The following FBXL13 variants were observed in gnomAD, a reference collection of about 807,000 sequenced individuals.
The protein encoded by FBXL13 is F-box and leucine-rich repeat protein 13.
FBXL13 carries 67 observed loss-of-function variants against 83.6 expected under a neutral mutation model. The ratio of observed to expected loss-of-function variants is 0.80; its 90% CI spans 0.66 to 0.98. The LOEUF (loss-of-function observed/expected upper bound fraction) is 0.98, where lower values mean the gene tolerates loss of function less well. Ranked by LOEUF, FBXL13 falls within the 50% of genes least tolerant of loss-of-function variation. The probability of loss-of-function intolerance (pLI) is 0.00; values close to 1 mark genes in which losing one functional copy is unlikely to be tolerated. For synonymous variants in FBXL13, 272 were observed against 299.5 expected (o/e 0.91, Z 0.95); for missense variants, 822 against 866.5 (o/e 0.95, Z 0.64).
At chr7:102,949,425 A>AC (rs1461645424) in intron 8 of FBXL13, among the ~76,000 whole-genome samples, 1 of 151,904 alleles carries the variant, frequency 6.6e-6, no homozygotes, top group Non-Finnish European at 1.5e-5. Context: ...CCATCCTCCC[A>AC]CCCTCCACCC....
chr7:102,991,132 A>G (rs1829515565), intron 6 of FBXL13, among the ~76,000 whole-genome samples: 1 of 152,186 alleles, frequency 6.6e-6, no homozygotes, highest in African/African-American at 2.4e-5. Flanking sequence ...GCCAGAGAGA[A>G]TGGAGAGAAG....
intron 16 of FBXL13, 80 bp downstream of exon 17, chr7:102,877,387 C>T: frequency 1.8e-6 from 2 of 1,137,122 alleles, no homozygotes; most frequent in Non-Finnish European, 2.4e-6. Context: ...TATTATTGTT[C>T]TCTCCATTAT....
At chr7:102,856,875 C>A (rs765718949) in intron 16 of FBXL13, among the ~76,000 whole-genome samples, 2 of 152,168 alleles carry the variant, frequency 1.3e-5, no homozygotes, top group Admixed American at 6.5e-5. Flanking sequence ...TATGACCCAG[C>A]AATTCTACTC....
At chr7:102,903,939 C>CTTTTTTT (rs1166655004) in intron 11 of FBXL13, among the ~76,000 whole-genome samples, 9 of 43,456 alleles carry the variant, frequency 2.1e-4, no homozygotes, top group Non-Finnish European at 2.5e-4. Context: ...CTTTTCTTTT[C>CTTTTTTT]TTTTTTTTTT....
At chr7:103,045,871 G>A (rs1288764175) in intron 2 of FBXL13, among the ~76,000 whole-genome samples, 2 of 152,320 alleles carry the variant, frequency 1.3e-5, no homozygotes, top group Non-Finnish European at 2.9e-5. Context: ...TGGGTTTCCA[G>A]TCTCACCACG....
chr7:102,980,065 T>C (rs563063630), intron 6 of FBXL13, among the ~76,000 whole-genome samples: 1 of 152,344 alleles, frequency 6.6e-6, no homozygotes, highest in South Asian at 2.1e-4. Flanking sequence ...ATAGATTCAA[T>C]GTAATCCCTA....
intron 14 of FBXL13, among the ~76,000 whole-genome samples, chr7:102,879,254 T>C (rs1809666094): frequency 2.0e-5 from 3 of 152,168 alleles, no homozygotes; most frequent in South Asian, 4.1e-4. Context: ...GAGCAAAACA[T>C]ACTGATTGCT....
chr7:103,073,730 A>C (rs2129513588), intron 1 of FBXL13, among the ~76,000 whole-genome samples: 1 of 152,272 alleles, frequency 6.6e-6, no homozygotes, highest in Non-Finnish European at 1.5e-5. Context: ...TTAACATCTT[A>C]ATAAATATTT....
rs568924522 is a variant in FBXL13 at position 102,911,501 on chromosome 7, T to G, written c.1008+1585A>C. On this transcript the variant is annotated intron_variant, in intron 11 of 19. Coordinates refer to ENST00000313221, the Ensembl canonical transcript of FBXL13. ...TTTCTCTGTGATTGGGCCATTGGCA[T>G]TTGCTAATTGGTGCCCATCAAAGTT... Among the ~76,000 whole-genome samples the G allele has an allele frequency of 4.7e-3, 709 of 152,232 alleles. 7 individuals are homozygous for G. Among genetic ancestry groups the G allele is most frequent in the African/African-American group, 0.016 (679 of 41,492 alleles).
At chr7:102,871,647 C>CCCA (rs1345623015) in intron 16 of FBXL13, among the ~76,000 whole-genome samples, 4 of 152,142 alleles carry the variant, frequency 2.6e-5, no homozygotes, top group Non-Finnish European at 5.9e-5. Flanking sequence ...CCCACCTCAG[C>CCCA]CTCCCAAAAT....
intron 6 of FBXL13, among the ~76,000 whole-genome samples, chr7:102,969,184 A>T (rs963776730): frequency 1.3e-5 from 2 of 152,164 alleles, no homozygotes; most frequent in Non-Finnish European, 2.9e-5. Context: ...TAAGTGCCCT[A>T]TATAGGTGTG....
chr7:103,045,781 C>G (rs537194961), intron 2 of FBXL13, among the ~76,000 whole-genome samples: 2 of 152,334 alleles, frequency 1.3e-5, no homozygotes, highest in East Asian at 3.9e-4. Context: ...AAGATTCCCC[C>G]CTTTTTGGTC....
intron 6 of FBXL13, among the ~76,000 whole-genome samples, chr7:102,987,145 A>G (rs1829065171): frequency 6.6e-6 from 1 of 152,018 alleles, no homozygotes; most frequent in Non-Finnish European, 1.5e-5. Context: ...GACACTGGAG[A>G]CTCTGAAAGG....
chr7:102,829,742 T>C (rs1435828301), intron 18 of FBXL13, among the ~76,000 whole-genome samples: 1 of 152,144 alleles, frequency 6.6e-6, no homozygotes, highest in Non-Finnish European at 1.5e-5. Context: ...AGCCGGCCTT[T>C]CTGGGGATAG....
chr7:102,879,439 A>ATGTGTGTGTGTGTGTGTGTGTGTGTGTG (rs139051886), intron 14 of FBXL13, among the ~76,000 whole-genome samples: 3 of 144,698 alleles, frequency 2.1e-5, no homozygotes, highest in African/African-American at 7.8e-5. Flanking sequence ...GCAGTTAAGG[A>ATGTGTGTGTGTGTGTGTGTGTGTGTGTG]TGTGTGTGTG....
At chr7:103,025,347 C>G in intron 5 of FBXL13, 117 bp from the exon 7 acceptor site, 1 of 581,772 alleles carries the variant, frequency 1.7e-6, no homozygotes, top group Non-Finnish European at 2.9e-6. Flanking sequence ...TATTTATGAT[C>G]GTCATCATTA....
intron 4 of FBXL13, 99 bp downstream of exon 5, chr7:103,028,501 G>T: frequency 2.6e-6 from 2 of 758,524 alleles, no homozygotes; most frequent in Non-Finnish European, 3.8e-6. Flanking sequence ...ACATAAAAAT[G>T]ATAGGTTCTC....
intron 8 of FBXL13, among the ~76,000 whole-genome samples, chr7:102,951,149 C>A (rs115073495): frequency 6.6e-6 from 1 of 151,798 alleles, no homozygotes; most frequent in Non-Finnish European, 1.5e-5. Flanking sequence ...CTCAATTTTG[C>A]GAGAACCTGA....
In FBXL13 at chr7:102,956,505, T is replaced by C. The variant is rs147626553; in HGVS notation, c.724+7028A>G. Among the ~76,000 whole-genome samples, 363 of 152,302 alleles carry C rather than the reference T, an allele frequency of 2.4e-3. 3 individuals are homozygous for C. Among genetic ancestry groups the C allele is most frequent in the Non-Finnish European group, 3.8e-3 (259 of 68,040 alleles). On this transcript the variant is annotated intron_variant, in intron 8 of 19. Coordinates refer to ENST00000313221, the Ensembl canonical transcript of FBXL13. The stretch of plus-strand genomic sequence containing the variant: ...AGGATGTCCTCTCTCACCACTCCTA[T>C]TGAACATAGTATTAGAAGTTCTGGC...
Sources: gnomAD v4.1 joint callset for allele counts (sites outside exome capture counted in the v4.1 genomes callset) on GRCh38, gnomAD v4.1.1 for gene constraint, MANE v1.5 for transcripts, NCBI Gene and HGNC (gene_info 2026-07-23, HGNC 2026-07-21) for gene names.